Variants in COL17A1 observed in about 807,000 individuals in gnomAD.
COL17A1 encodes collagen alpha-1(XVII) chain.
Under a neutral mutation model 218.4 loss-of-function variants are expected in COL17A1, and 181 were observed. That is an observed-to-expected ratio of 0.83 (90% CI 0.73 to 0.94). The LOEUF (loss-of-function observed/expected upper bound fraction) is 0.94. COL17A1 is among the 40% of genes least tolerant of loss of function. The pLI is 0.00. For synonymous variants in COL17A1, 721 were observed against 731.0 expected (o/e 0.99, Z 0.22); for missense variants, 1,924 against 1,945.9 (o/e 0.99, Z 0.21).
In COL17A1 at chr10:104,032,928, C is replaced by T. The variant is rs777927213; in HGVS notation, c.4335G>A (p.Glu1445=). The change falls in exon 54 of 56, where the codon GAG becomes GAA. Residue 1445 remains glutamate, a synonymous_variant. Coordinates refer to ENST00000648076, the MANE Select transcript of COL17A1 (RefSeq NM_000494.4). ...AIQGPPGQKG[E]MGTPGPKGDR... ...TACCTTTGGGTCCTGGAGTGCCCAT[C>T]TCTCCTTTTTGCCCAGGGGGTCCTT... 8.7e-6 allele frequency: 14 copies of T among 1,614,156 alleles called. No individual in the cohort carries two copies. In the East Asian group the frequency reaches 8.9e-5, roughly 10 times the overall value.
chr10:104,046,821 T>A (rs1293112238), intron 31 of COL17A1, 48 bp from the exon 32 acceptor site: 2 of 1,591,638 alleles, frequency 1.3e-6, no homozygotes, highest in East Asian at 2.3e-5. Flanking sequence ...GTGGAGGCCA[T>A]CCCTGGTAGC....
chr10:104,055,256 C>G (rs1259943571), intron 19 of COL17A1, 116 bp downstream of exon 19: 2 of 1,548,182 alleles, frequency 1.3e-6, no homozygotes, highest in Non-Finnish European at 1.8e-6. Flanking sequence ...ACCATAAGAT[C>G]ATTCAGCTCT....
intron 15 of COL17A1, 111 bp from the exon 16 acceptor site, chr10:104,058,301 A>T: frequency 7.2e-7 from 1 of 1,381,802 alleles, no homozygotes; most frequent in Non-Finnish European, 1.0e-6. Flanking sequence ...CTTGCTTTCA[A>T]CGACGTGCAG....
intron 2 of COL17A1, among the ~76,000 whole-genome samples, chr10:104,079,314 C>A (rs771992971): frequency 3.9e-5 from 6 of 152,126 alleles, no homozygotes; most frequent in Non-Finnish European, 8.8e-5. Context: ...CCCTACCTAT[C>A]TGGGGCTTTT....
chr10:104,078,707 T>C, intron 2 of COL17A1, 121 bp from the exon 3 acceptor site: 4 of 1,372,494 alleles, frequency 2.9e-6, no homozygotes, highest in Non-Finnish European at 4.1e-6. Context: ...TTGATTTTTC[T>C]ATCCTTGTGC....
At chr10:104,078,401 A>G (rs1247287109) in intron 3 of COL17A1, 141 bp downstream of exon 3, 1 of 1,094,190 alleles carries the variant, frequency 9.1e-7, no homozygotes, top group African/African-American at 1.6e-5. Flanking sequence ...AAACTGGCGA[A>G]TTCTGTTGTA....
At chr10:104,039,883 C>T (rs1341725884) in intron 41 of COL17A1, 90 bp downstream of exon 41, 2 of 1,554,290 alleles carry the variant, frequency 1.3e-6, no homozygotes, top group East Asian at 2.2e-5. Flanking sequence ...GCACCAGGTG[C>T]CTTTCTATCA....
chr10:104,061,613 G>C, intron 12 of COL17A1, 140 bp from the exon 13 acceptor site: 1 of 722,558 alleles, frequency 1.4e-6, no homozygotes, highest in South Asian at 1.6e-5. Context: ...CAGCCATGGG[G>C]ACAGTAATGA....
chr10:104,076,289 T>C lies in COL17A1; in HGVS notation c.331+12A>G. The stretch of plus-strand genomic sequence containing the variant: ...GAGAATGGTTCTCTTGTATGGTTAG[T>C]GGGACTGATACCTTCATACGCATGG... On this transcript the variant is annotated intron_variant, in intron 5 of 55. Coordinates refer to ENST00000648076, the MANE Select transcript of COL17A1 (RefSeq NM_000494.4). 6.2e-7 allele frequency: 1 copy of C among 1,613,966 alleles called. No homozygotes were observed. The highest frequency in any genetic ancestry group is 8.5e-7 in the Non-Finnish European group (1 of 1,179,912).
At chr10:104,039,261 T>C in intron 43 of COL17A1, 140 bp from the exon 44 acceptor site, 1 of 1,023,276 alleles carries the variant, frequency 9.8e-7, no homozygotes, top group Non-Finnish European at 1.5e-6. Context: ...CACAGCTCCC[T>C]TGTACAGAGG....
chr10:104,055,716 T>A, intron 18 of COL17A1, 66 bp downstream of exon 18: 1 of 1,597,004 alleles, frequency 6.3e-7, no homozygotes, highest in Non-Finnish European at 8.5e-7. Context: ...CATGCACACA[T>A]ACCACATAGA....
intron 27 of COL17A1, 92 bp downstream of exon 27, chr10:104,050,529 G>A (rs2086458284): frequency 1.2e-6 from 2 of 1,602,712 alleles, no homozygotes; most frequent in Non-Finnish European, 8.5e-7. Context: ...TCCAGGTCCT[G>A]TGCACCCTCA....
At position 104,051,536 on chromosome 10, in the gene COL17A1, A is replaced by G. The variant is rs2086469989; in HGVS notation, c.2003-20T>C. 6.2e-7 allele frequency: 1 copy of G among 1,613,966 alleles called. No homozygotes were observed. Among genetic ancestry groups the G allele is most frequent in the East Asian group, 2.2e-5 (1 of 44,874 alleles). ...TGGAACCTGAGAAGGAGGACAAGAC[A>G]GCAATCAGCAGAGGGGCAGATACAG... On this transcript the variant is annotated intron_variant, in intron 24 of 55. Coordinates refer to ENST00000648076, the MANE Select transcript of COL17A1 (RefSeq NM_000494.4).
At chr10:104,052,083 T>G in intron 24 of COL17A1, 72 bp downstream of exon 24, 1 of 1,606,726 alleles carries the variant, frequency 6.2e-7, no homozygotes, top group Non-Finnish European at 8.5e-7. Flanking sequence ...CCAGGGCCTC[T>G]TCTCTGTGAT....
chr10:104,037,094 G>A lies in COL17A1; in HGVS notation c.3228C>T (p.Ser1076=). ...SYLRTSGYGV[S]LFSSSISSED... ...CAGAAGAGATGGAGGACGAGAACAA[G>A]CTGACACCGTACCCCGAAGCTGTCG... is the stretch of plus-strand genomic sequence containing the variant. Residue 1076 remains serine, a synonymous_variant, in exon 47 of 56, where the codon AGC becomes AGT. Transcript: ENST00000648076. 6.2e-7 allele frequency: 1 copy of A among 1,607,106 alleles called. No individual in the cohort carries two copies. The highest frequency in any genetic ancestry group is 2.2e-5 in the East Asian group (1 of 44,762).
intron 15 of COL17A1, among the ~76,000 whole-genome samples, chr10:104,058,601 G>A (rs928565678): frequency 2.0e-5 from 3 of 152,156 alleles, no homozygotes; most frequent in African/African-American, 7.2e-5. Context: ...GGATGAGCTT[G>A]GAGGAGGATT....
In COL17A1 at chr10:104,055,725, G is replaced by A. The variant is rs1265628161; in HGVS notation, c.1687+57C>T. ...ACAGCACATGCACACATACCACATA[G>A]ATGCAAAGAAGAAAGGGACTCAGGG... is the stretch of plus-strand genomic sequence containing the variant. On this transcript the variant is annotated intron_variant, in intron 18 of 55. Coordinates refer to ENST00000648076, the MANE Select transcript of COL17A1 (RefSeq NM_000494.4). 8 of 1,603,486 alleles carry A rather than the reference G, an allele frequency of 5.0e-6. No individual in the cohort carries two copies. In the African/African-American group the frequency reaches 1.1e-4, roughly 21 times the overall value.
In COL17A1 at chr10:104,068,813, C is replaced by T. The variant is rs192288887; in HGVS notation, c.607+1613G>A. Reference sequence around the variant, plus strand: ...AAGAAGTTAGATTGTTTAGCCTAATCCCACAGATCCCTAAGGTGATATTAA... The same window carrying T: ...AAGAAGTTAGATTGTTTAGCCTAATTCCACAGATCCCTAAGGTGATATTAA... On this transcript the variant is annotated intron_variant, in intron 9 of 55. Coordinates refer to ENST00000648076, the MANE Select transcript of COL17A1 (RefSeq NM_000494.4). 1.3e-3 allele frequency among the ~76,000 whole-genome samples: 191 copies of T among 152,288 alleles called. 1 individual carries two copies. Among genetic ancestry groups the T allele is most frequent in the African/African-American group, 4.5e-3 (186 of 41,554 alleles).
rs755092796 is a variant in COL17A1, at chr10:104,033,937, C to T, written c.4156+8G>A. 2 of 1,614,040 alleles carry T rather than the reference C, an allele frequency of 1.2e-6. No individual in the cohort carries two copies. The highest frequency in any genetic ancestry group is 2.7e-5 in the African/African-American group (2 of 74,920). On this transcript the variant is annotated splice_region_variant and intron_variant, in intron 52 of 55. Coordinates refer to ENST00000648076, the MANE Select transcript of COL17A1 (RefSeq NM_000494.4). ...CCCCAGCACCAAGGCCTAAATGTCC[C>T]CACTTACGCTGCATGCTCTCTGACA...
Sources: gnomAD v4.1 joint callset for allele counts (sites outside exome capture counted in the v4.1 genomes callset) on GRCh38, gnomAD v4.1.1 for gene constraint, MANE v1.5 for transcripts, NCBI Gene and HGNC (gene_info 2026-07-23, HGNC 2026-07-21) for gene names.